The following HELZ variants were observed in gnomAD, a reference collection of about 807,000 sequenced individuals.
HELZ encodes helicase with zinc finger, also known as ATP-dependent RNA helicase with zinc finger domain.
A neutral mutation model predicts 218.2 loss-of-function variants in HELZ; 23 were observed. That is an observed-to-expected ratio of 0.11 (90% CI 0.08 to 0.15). The LOEUF is 0.15. Ranked by LOEUF, HELZ falls within the 10% of genes least tolerant of loss-of-function variation. The probability of loss-of-function intolerance (pLI) is 1.00; values close to 1 mark genes in which losing one functional copy is unlikely to be tolerated. For missense variants in HELZ, 1,813 were observed against 2,353.7 expected, an observed-to-expected ratio of 0.77 and a Z score of 4.75; for synonymous variants, 814 against 829.4, an observed-to-expected ratio of 0.98 and a Z score of 0.32.
rs572571973 is a variant in HELZ at position 67,166,204 on chromosome 17, T to C, written c.1895+274A>G. Among the ~76,000 whole-genome samples, 76 of 152,294 alleles carry C rather than the reference T, an allele frequency of 5.0e-4. 3 individuals are homozygous for C. The South Asian group carries it at 0.015, about 30-fold the overall frequency. ...CTTTAGAAAGGCCCTAATTTCCCCA[T>C]TCAACTTCTACTTGGAAATATTCCT... On this transcript the variant is annotated intron_variant, in intron 15 of 32. Coordinates refer to ENST00000358691, the MANE Select transcript of HELZ (RefSeq NM_014877.4).
At chr17:67,112,690 G>C (rs2143775216) in intron 28 of HELZ, among the ~76,000 whole-genome samples, 1 of 152,326 alleles carries the variant, frequency 6.6e-6, no homozygotes, top group South Asian at 2.1e-4. Flanking sequence ...TTGGAAGTCG[G>C]TATCATGAAG....
chr17:67,173,043 T>C, intron 13 of HELZ: 2 of 983,186 alleles, frequency 2.0e-6, no homozygotes, highest in Non-Finnish European at 2.4e-6. Flanking sequence ...ACATTGGTTG[T>C]GTCTTGCAAC....
At position 67,072,596 on chromosome 17, in the gene HELZ, T is replaced by C. The variant is rs1327309123; in HGVS notation, c.*5656A>G. 1 of 152,448 alleles carries C rather than the reference T, an allele frequency of 6.6e-6. No individual in the cohort carries two copies. The highest frequency in any genetic ancestry group is 1.5e-5 in the Non-Finnish European group (1 of 68,200). 9.4% of individuals were successfully genotyped at this position (152,448 alleles called of 1,614,324 possible). A position where few individuals can be genotyped will look rare whatever the true frequency, so the allele number is the denominator to read the frequency against. ...GGCAGCAGCGTACACAAAAGCAAAC[T>C]CACCCTAAAACCAAAGAGCTCCTTC... On this transcript the variant is annotated 3_prime_UTR_variant, in exon 33 of 33. Coordinates refer to ENST00000358691, the MANE Select transcript of HELZ (RefSeq NM_014877.4).
intron 11 of HELZ, 70 bp downstream of exon 11, chr17:67,189,519 T>C: frequency 2.2e-6 from 2 of 921,406 alleles, no homozygotes; most frequent in Non-Finnish European, 3.6e-6. Context: ...AACACAGAGA[T>C]TCAAAGGTCA....
chr17:67,140,431 A>T (rs1275025749), intron 21 of HELZ, among the ~76,000 whole-genome samples: 2 of 152,220 alleles, frequency 1.3e-5, no homozygotes, highest in African/African-American at 4.8e-5. Context: ...GTGAAAAAGG[A>T]AAAACATTGA....
chr17:67,213,970 T>A (rs2040523633), intron 5 of HELZ, among the ~76,000 whole-genome samples: 2 of 152,216 alleles, frequency 1.3e-5, no homozygotes, highest in Admixed American at 1.3e-4. Flanking sequence ...CTACGTATTA[T>A]AAGCACTTAT....
chr17:67,090,561 A>C (rs1598194025), intron 31 of HELZ, among the ~76,000 whole-genome samples: 1 of 152,286 alleles, frequency 6.6e-6, no homozygotes, highest in East Asian at 1.9e-4. Context: ...TTACAAATTC[A>C]ATTTCTTTAA....
chr17:67,210,096 A>T (rs117285701), intron 5 of HELZ, among the ~76,000 whole-genome samples: 18 of 152,252 alleles, frequency 1.2e-4, no homozygotes, highest in Non-Finnish European at 2.2e-4. Context: ...GCTGGCGCAC[A>T]CTTTGTTGTC....
Position 67,120,501 on chromosome 17 carries a change from G to T in HELZ, c.3742C>A (p.Pro1248Thr). 1 of 1,613,866 alleles carries T rather than the reference G, an allele frequency of 6.2e-7. No individual in the cohort carries two copies. The highest frequency in any genetic ancestry group is 8.5e-7 in the Non-Finnish European group (1 of 1,179,892). Reference protein sequence around the residue: ...NLLQTHGRGSPIPYGLGHHPP... With the variant: ...NLLQTHGRGSTIPYGLGHHPP... ...TGATGTCCAAGGCCATAAGGAATAG[G>T]AGATCCTCGTCCATGTGTCTGTAAT... Residue 1248 changes from proline to threonine, a missense_variant, in exon 27 of 33, where the codon CCT (proline) becomes ACT (threonine). Transcript: ENST00000358691.
intron 12 of HELZ, among the ~76,000 whole-genome samples, chr17:67,180,332 A>T (rs1434703802): frequency 6.6e-6 from 1 of 152,114 alleles, no homozygotes; most frequent in East Asian, 1.9e-4. Flanking sequence ...AAAATAAAAT[A>T]AAAATATACG....
At position 67,166,492 on chromosome 17, in the gene HELZ, T is replaced by C. The variant is rs117249393; in HGVS notation, c.1881A>G (p.Pro627=). 5.8e-3 allele frequency: 9,399 copies of C among 1,612,748 alleles called. 36 individuals carry two copies. The highest frequency in any genetic ancestry group is 6.3e-3 in the Non-Finnish European group (7,380 of 1,178,850). ...CCTTTTTGTACCTGTTAGGACTCCATGGTATGGTGGGAGTCATACTGATGT... is the reference window on the plus strand; with the variant it reads ...CCTTTTTGTACCTGTTAGGACTCCACGGTATGGTGGGAGTCATACTGATGT... ...FPDISMTPTI[P]WSPNRQWDEQ... is the part of the protein sequence containing the mutation. The change falls in exon 15 of 33, where the codon CCA becomes CCG. Residue 627 remains proline (P), a synonymous_variant. Transcript: ENST00000358691.
intron 3 of HELZ, among the ~76,000 whole-genome samples, chr17:67,223,561 G>A (rs2040808968): frequency 6.6e-6 from 1 of 152,034 alleles, no homozygotes; most frequent in Admixed American, 6.6e-5. Flanking sequence ...GACCATCCTG[G>A]CTAACAAAGT....
At chr17:67,119,651 A>G (rs2037537288) in intron 27 of HELZ, among the ~76,000 whole-genome samples, 1 of 152,216 alleles carries the variant, frequency 6.6e-6, no homozygotes, top group African/African-American at 2.4e-5. Flanking sequence ...TAAAAAATAC[A>G]GTAATTTTTC....
chr17:67,174,130 C>T (rs955615745), intron 13 of HELZ, among the ~76,000 whole-genome samples: 14 of 150,686 alleles, frequency 9.3e-5, no homozygotes, highest in African/African-American at 2.4e-4. Context: ...ATCTTTATCA[C>T]GTACACACAT....
intron 8 of HELZ, among the ~76,000 whole-genome samples, 196 bp downstream of exon 8, chr17:67,195,223 T>C (rs1347875381): frequency 2.0e-5 from 3 of 152,164 alleles, no homozygotes; most frequent in Non-Finnish European, 2.9e-5. Context: ...CTACCTCCAT[T>C]ACTCCATTAT....
chr17:67,226,985 G>A (rs959101738), intron 3 of HELZ, among the ~76,000 whole-genome samples: 6 of 152,094 alleles, frequency 3.9e-5, no homozygotes, highest in African/African-American at 1.2e-4. Context: ...GCAGGTATGG[G>A]GTGGGTAGGG....
At chr17:67,101,421 C>T (rs560732063) in intron 31 of HELZ, among the ~76,000 whole-genome samples, 20 of 152,192 alleles carry the variant, frequency 1.3e-4, no homozygotes, top group African/African-American at 4.3e-4. Context: ...CTTTAAACTA[C>T]TGGGTTAGAA....
intron 23 of HELZ, among the ~76,000 whole-genome samples, 190 bp downstream of exon 23, chr17:67,135,780 G>T (rs948420032): frequency 3.3e-5 from 5 of 152,122 alleles, no homozygotes; most frequent in African/African-American, 1.2e-4. Context: ...TTGAATAATG[G>T]CTCAATGAAT....
intron 31 of HELZ, among the ~76,000 whole-genome samples, chr17:67,099,923 T>G (rs1471708966): frequency 6.6e-6 from 1 of 152,210 alleles, no homozygotes; most frequent in East Asian, 1.9e-4. Flanking sequence ...AATTTAAGCA[T>G]GAATAGAGGT....
Sources: gnomAD v4.1 joint callset for allele counts (sites outside exome capture counted in the v4.1 genomes callset) on GRCh38, gnomAD v4.1.1 for gene constraint, MANE v1.5 for transcripts, NCBI Gene and HGNC (gene_info 2026-07-23, HGNC 2026-07-21) for gene names.